RPL13: variants seen among roughly 807,000 people sequenced by gnomAD.
RPL13 encodes the protein ribosomal protein L13, also known as large ribosomal subunit protein eL13.
RPL13 carries 1 observed loss-of-function variant against 21.4 expected under a neutral mutation model. The ratio of observed to expected loss-of-function variants is 0.05; its 90% CI spans 0.02 to 0.22. The LOEUF (loss-of-function observed/expected upper bound fraction) is 0.22. Ranked by LOEUF, RPL13 falls within the 10% of genes least tolerant of loss-of-function variation. The pLI, the probability that RPL13 is intolerant of heterozygous loss-of-function variation, is 1.00. For synonymous variants in RPL13, 143 were observed against 120.5 expected, an observed-to-expected ratio of 1.19 and a Z score of -1.23; for missense variants, 289 against 303.0, an observed-to-expected ratio of 0.95 and a Z score of 0.34.
At chr16:89,562,676 T>C (rs1317743729) in intron 5 of RPL13, 4 of 584,986 alleles carry the variant, frequency 6.8e-6, no homozygotes, top group Non-Finnish European at 1.1e-5. Context: ...GTTTACAGGC[T>C]TGAGCCGCCA....
rs372886044 is a variant in RPL13 at position 89,561,561 on chromosome 16, C to T, written c.247-17C>T. 2.1e-5 allele frequency: 34 copies of T among 1,613,416 alleles called. No individual in the cohort carries two copies. Among genetic ancestry groups the T allele is most frequent in the Non-Finnish European group, 2.7e-5 (32 of 1,180,044 alleles). Reference sequence around the variant, plus strand: ...AAAGCCCGGGCCTGTCTCCATCTCTCTCTGGTTCTGGGGCAGGTGGCCGGC... The same window carrying T: ...AAAGCCCGGGCCTGTCTCCATCTCTTTCTGGTTCTGGGGCAGGTGGCCGGC... On this transcript the variant is annotated splice_polypyrimidine_tract_variant and intron_variant, in intron 3 of 5. Coordinates refer to ENST00000311528, the MANE Select transcript of RPL13 (RefSeq NM_000977.4).
chr16:89,561,800 T>C (rs1188072879), intron 4 of RPL13, 49 bp downstream of exon 4: 1 of 1,587,160 alleles, frequency 6.3e-7, no homozygotes, highest in African/African-American at 1.3e-5. Context: ...ACAGTGAGGC[T>C]TGGCTCCTTT....
At chr16:89,561,806 C>T in intron 4 of RPL13, 55 bp downstream of exon 4, 1 of 1,575,356 alleles carries the variant, frequency 6.3e-7, no homozygotes, top group Non-Finnish European at 8.7e-7. Context: ...AGGCTTGGCT[C>T]CTTTATCAGT....
intron 2 of RPL13, 81 bp downstream of exon 2, chr16:89,561,144 G>T (rs910761287): frequency 1.3e-6 from 2 of 1,518,276 alleles, no homozygotes; most frequent in Non-Finnish European, 8.8e-7. Context: ...TGCCAGGGCG[G>T]GGGGCGCTGT....
In RPL13 at chr16:89,562,219, G is replaced by T. The variant is rs528986725; in HGVS notation, c.421-116G>T. The T allele has an allele frequency of 5.4e-5, 49 of 915,330 alleles. No individual in the cohort carries two copies. In the East Asian group the frequency reaches 1.1e-3, roughly 21 times the overall value. The allele number at this position is 915,330 out of a possible 1,614,324, so 56.7% of individuals were successfully genotyped here. ...GGGCCACAAAGTGTGTTGTAGAAAA[G>T]GCTCAGACACTGGTCCTGAACACGG... On this transcript the variant is annotated intron_variant, in intron 4 of 5. Coordinates refer to ENST00000311528, the MANE Select transcript of RPL13 (RefSeq NM_000977.4).
upstream of RPL13, chr16:89,560,676 C>T (rs144161178): frequency 1.5e-3 from 543 of 362,916 alleles, 3 homozygotes; most frequent in African/African-American, 0.01. Flanking sequence ...ATTGCGGGGC[C>T]GCTTCCTTTC....
Position 89,564,073 on chromosome 16 carries a change from C to T in RPL13, c.*1031C>T, listed in dbSNP as rs1053526569. ...GTGCTCAGACACAGCCTGCCCTAGT[C>T]CTACCAGCTCACAGCAGCACCTGCT... On this transcript the variant is annotated 3_prime_UTR_variant, in exon 6 of 6. Coordinates refer to ENST00000311528, the MANE Select transcript of RPL13 (RefSeq NM_000977.4). 4.6e-5 allele frequency: 7 copies of T among 152,268 alleles called. No homozygotes were observed. The highest frequency in any genetic ancestry group is 1.7e-4 in the African/African-American group (7 of 41,450). The allele number at this position is 152,268 out of a possible 1,614,324, so 9.4% of individuals were successfully genotyped here.
chr16:89,561,015 A>T lies in RPL13; in HGVS notation c.56A>T (p.Gln19Leu). Residue 19 changes from glutamine (Q) to leucine (L), a missense_variant, in exon 2 of 6, where the codon CAG (glutamine) becomes CTG (leucine). Transcript: ENST00000311528. Reference protein sequence around the residue: ...VLKPHFHKDWQRRVATWFNQP... With the variant: ...VLKPHFHKDWLRRVATWFNQP... ...AAGCCCCACTTCCACAAGGACTGGC[A>T]GCGGCGCGTGGCCACGTGGTTCAAC... is the stretch of plus-strand genomic sequence containing the variant. 1 of 1,607,142 alleles carries T rather than the reference A, an allele frequency of 6.2e-7. No homozygotes were observed. Among genetic ancestry groups the T allele is most frequent in the African/African-American group, 1.4e-5 (1 of 73,924 alleles).
downstream of RPL13, chr16:89,565,146 T>A (rs1056670252): frequency 1.3e-5 from 2 of 152,308 alleles, no homozygotes; most frequent in African/African-American, 4.8e-5. Context: ...TCCGTTTGCT[T>A]AATCTATTAA....
In RPL13 at chr16:89,562,278, G is replaced by A; in HGVS notation, c.421-57G>A. 3 of 1,560,392 alleles carry A rather than the reference G, an allele frequency of 1.9e-6. No individual in the cohort carries two copies. The South Asian group carries it at 3.3e-5, about 17-fold the overall frequency. On this transcript the variant is annotated intron_variant, in intron 4 of 5. Transcript: ENST00000311528. ...GGGGAAAGTTTGGGGCCAGGTGAGG[G>A]TGGAGTCCTTGCAGCAGTGCGGCCA...
At chr16:89,565,467 A>G (rs1159826450), downstream of RPL13, 4 of 152,238 alleles carry the variant, frequency 2.6e-5, no homozygotes, top group Admixed American at 6.5e-5. Flanking sequence ...CTGGAGCAAG[A>G]TCTCCTGATC....
In RPL13 at chr16:89,563,113, A is replaced by T; in HGVS notation, c.*71A>T. ...CCACGTGGTGTGTTTCGTGGGAACA[A>T]CTGGGCCTGGGATGGGGCTTCACTG... On this transcript the variant is annotated 3_prime_UTR_variant, in exon 6 of 6. Coordinates refer to ENST00000311528, the MANE Select transcript of RPL13 (RefSeq NM_000977.4). The T allele has an allele frequency of 1.5e-6, 2 of 1,366,692 alleles. No individual in the cohort carries two copies. Among genetic ancestry groups the T allele is most frequent in the Non-Finnish European group, 1.9e-6 (2 of 1,045,732 alleles). 84.7% of individuals were successfully genotyped at this position (1,366,692 alleles called of 1,614,324 possible).
chr16:89,566,386 T>G (rs1465543170), downstream of RPL13: 1 of 150,436 alleles, frequency 6.6e-6, no homozygotes, highest in Non-Finnish European at 1.5e-5. Context: ...GGGGAAGACG[T>G]GTGCGGATAG....
At chr16:89,561,091 G>C in intron 2 of RPL13, 28 bp downstream of exon 2, 1 of 1,582,198 alleles carries the variant, frequency 6.3e-7, no homozygotes, top group East Asian at 2.3e-5. Flanking sequence ...GGCTGCCCCT[G>C]GGGCTCGTGC....
At position 89,561,713 on chromosome 16, in the gene RPL13, C is replaced by T. The variant is rs2152414587; in HGVS notation, c.382C>T (p.Pro128Ser). The change falls in exon 4 of 6, where the codon CCC (proline) becomes TCC (serine). Residue 128 changes from proline to serine, a missense_variant. Pro to Ser is a moderately conservative substitution (Grantham distance 74). Transcript: ENST00000311528. ...KEYRSKLILF[P>S]RKPSAPKKGD... ...GTACCGCTCCAAACTCATCCTCTTC[C>T]CCAGGAAGCCCTCGGCCCCCAAGAA... 6.2e-7 allele frequency: 1 copy of T among 1,613,842 alleles called. No individual in the cohort carries two copies. Among genetic ancestry groups the T allele is most frequent in the Non-Finnish European group, 8.5e-7 (1 of 1,180,022 alleles).
In RPL13 at chr16:89,562,495, A is replaced by G. The variant is rs2058752796; in HGVS notation, c.477+104A>G. 6 of 1,109,966 alleles carry G rather than the reference A, an allele frequency of 5.4e-6. No homozygotes were observed. In the East Asian group the frequency reaches 1.3e-4, roughly 24 times the overall value. 68.8% of individuals were successfully genotyped at this position (1,109,966 alleles called of 1,614,324 possible). On this transcript the variant is annotated intron_variant, in intron 5 of 5. Coordinates refer to ENST00000311528, the MANE Select transcript of RPL13 (RefSeq NM_000977.4). Reference sequence around the variant, plus strand: ...GGGGGTCAGGCTTAAGAACGTTAATAGTGGCAGTTGTGGGTGTGGAGGTTT... The same window carrying G: ...GGGGGTCAGGCTTAAGAACGTTAATGGTGGCAGTTGTGGGTGTGGAGGTTT...
In RPL13 at chr16:89,562,372, C is replaced by T. The variant is rs778741194; in HGVS notation, c.458C>T (p.Pro153Leu). The stretch of plus-strand genomic sequence containing the variant: ...AAACTGGCCACCCAGCTGACCGGAC[C>T]GGTCATGCCCGTCCGGAACGTAAGT... ...ELKLATQLTG[P>L]VMPVRNVYKK... Residue 153 changes from proline to leucine, a missense_variant, in exon 5 of 6, where the codon CCG becomes CTG. Transcript: ENST00000311528. 5.6e-6 allele frequency: 9 copies of T among 1,612,268 alleles called. No individual in the cohort carries two copies. The highest frequency in any genetic ancestry group is 5.0e-5 in the Admixed American group (3 of 59,506).
rs1003342248 is a variant in RPL13, at chr16:89,561,229, G to T, written c.107G>T (p.Arg36Leu). ...FNQPARKIRR[R>L]KARQAKARRI... ...GCCGCTGCGCTTCTCTCCACCAGAC[G>T]TAAGGCCCGGCAAGCCAAGGCGCGC... The change falls in exon 3 of 6, where the codon CGT becomes CTT. Residue 36 changes from arginine (R) to leucine (L), a missense_variant and splice_region_variant. Physicochemically the swap from Arg to Leu is moderately radical, Grantham distance 102. Coordinates refer to ENST00000311528, the MANE Select transcript of RPL13 (RefSeq NM_000977.4). 6.5e-7 allele frequency: 1 copy of T among 1,544,062 alleles called. No homozygotes were observed. Among genetic ancestry groups the T allele is most frequent in the Non-Finnish European group, 8.7e-7 (1 of 1,149,856 alleles).
At position 89,563,231 on chromosome 16, in the gene RPL13, G is replaced by T. The variant is rs1341688887; in HGVS notation, c.*189G>T. 3 of 497,788 alleles carry T rather than the reference G, an allele frequency of 6.0e-6. No individual in the cohort carries two copies. The highest frequency in any genetic ancestry group is 9.9e-6 in the Non-Finnish European group (3 of 303,952). 30.8% of individuals were successfully genotyped at this position (497,788 alleles called of 1,614,324 possible). ...TTACTTTCTGTGTTGAAGCACTGTTGGTTGTTTGGTTAGTGACTGATGTAA... is the reference window on the plus strand; with the variant it reads ...TTACTTTCTGTGTTGAAGCACTGTTTGTTGTTTGGTTAGTGACTGATGTAA... On this transcript the variant is annotated 3_prime_UTR_variant, in exon 6 of 6. Transcript: ENST00000311528.
Sources: allele counts gnomAD v4.1 joint callset, GRCh38; gene constraint gnomAD v4.1.1; transcripts MANE v1.5; gene names NCBI Gene and HGNC (gene_info 2026-07-23, HGNC 2026-07-21).